ANKRD17: variants seen among roughly 807,000 people sequenced by gnomAD.
ANKRD17 encodes ankyrin repeat domain-containing protein 17.
A neutral mutation model predicts 229.7 loss-of-function variants in ANKRD17; 19 were observed. That is an observed-to-expected ratio of 0.08 (90% confidence interval 0.06 to 0.12). The LOEUF (loss-of-function observed/expected upper bound fraction) is 0.12, where lower values mean the gene tolerates loss of function less well. ANKRD17 is among the 10% of genes least tolerant of loss of function. The pLI is 1.00. For missense variants in ANKRD17, 2,176 were observed against 3,176.8 expected (o/e 0.68, Z 7.57); for synonymous variants, 1,112 against 1,146.1 (o/e 0.97, Z 0.60).
At chr4:73,099,624 T>C (rs1723720676) in intron 25 of ANKRD17, among the ~76,000 whole-genome samples, 1 of 152,192 alleles carries the variant, frequency 6.6e-6, no homozygotes, top group African/African-American at 2.4e-5. Context: ...CCTACTCCAC[T>C]GCCCTAGCAG....
chr4:73,097,957 G>A, intron 26 of ANKRD17, 116 bp downstream of exon 26: 1 of 905,146 alleles, frequency 1.1e-6, no homozygotes, highest in East Asian at 2.6e-5. Context: ...ACCTTCTTTA[G>A]CACAAAGAAA....
At chr4:73,110,459 T>A (rs1725175057) in intron 24 of ANKRD17, among the ~76,000 whole-genome samples, 1 of 152,188 alleles carries the variant, frequency 6.6e-6, no homozygotes, top group Non-Finnish European at 1.5e-5. Context: ...TGTACCACCA[T>A]GCCCAGTTTT....
At chr4:73,232,253 C>A (rs1367508361) in intron 1 of ANKRD17, among the ~76,000 whole-genome samples, 5 of 152,142 alleles carry the variant, frequency 3.3e-5, no homozygotes, top group Non-Finnish European at 4.4e-5. Flanking sequence ...CTAGCTCTTC[C>A]AGGAGACATA....
At chr4:73,222,895 C>CAA (rs1742047639) in intron 1 of ANKRD17, 2 of 1,148,614 alleles carry the variant, frequency 1.7e-6, no homozygotes, top group African/African-American at 1.5e-5. Context: ...CTAATCTATT[C>CAA]ATCTGTAAAA....
chr4:73,085,232 C>T lies in ANKRD17; in HGVS notation c.7159+17G>A, dbSNP rs989878826. ...ACATATGCAGATTCTTATGGAATTA[C>T]GGTGTATAAAACTCACCATTTGATG... On this transcript the variant is annotated intron_variant, in intron 30 of 33. Coordinates refer to ENST00000358602, the MANE Select transcript of ANKRD17 (RefSeq NM_032217.5). 21 of 1,608,956 alleles carry T rather than the reference C, an allele frequency of 1.3e-5. No homozygotes were observed. Among genetic ancestry groups the T allele is most frequent in the Middle Eastern group, 1.6e-4 (1 of 6,072 alleles).
intron 3 of ANKRD17, among the ~76,000 whole-genome samples, chr4:73,160,146 G>A (rs1008947016): frequency 4.6e-5 from 7 of 151,050 alleles, no homozygotes; most frequent in Admixed American, 4.6e-4. Context: ...GTTGAAAATG[G>A]TAACATGTAT....
chr4:73,120,265 C>T lies in ANKRD17; in HGVS notation c.3922G>A (p.Gly1308Ser). 1 of 1,613,994 alleles carries T rather than the reference C, an allele frequency of 6.2e-7. No individual in the cohort carries two copies. The highest frequency in any genetic ancestry group is 8.5e-7 in the Non-Finnish European group (1 of 1,179,984). The change falls in exon 21 of 34, where the codon GGT (glycine) becomes AGT (serine). Residue 1308 changes from glycine (G) to serine (S), a missense_variant. By Grantham distance (56) the Gly-to-Ser change is moderately conservative (BLOSUM62 0). Transcript: ENST00000358602. ...ACTGGAGGGGCATTAACATCAGCACCTTTATCCAAAAGAACTCGGCCCACC... is the reference window on the plus strand; with the variant it reads ...ACTGGAGGGGCATTAACATCAGCACTTTTATCCAAAAGAACTCGGCCCACC... ...AEVGRVLLDK[G>S]ADVNAPPVPS...
intron 1 of ANKRD17, among the ~76,000 whole-genome samples, chr4:73,204,370 AAAAAAAAAAG>A (rs1560718082): frequency 6.6e-6 from 1 of 150,908 alleles, no homozygotes; most frequent in Non-Finnish European, 1.5e-5. Flanking sequence ...AAAAAAAAAA[AAAAAAAAAAG>A]AAAAGAAAAG....
chr4:73,093,705 G>A (rs1203882542), intron 28 of ANKRD17, among the ~76,000 whole-genome samples: 1 of 152,096 alleles, frequency 6.6e-6, no homozygotes, highest in Non-Finnish European at 1.5e-5. Flanking sequence ...CACAATCTCA[G>A]AATAACAAAT....
At chr4:73,187,973 G>A (rs1287127947) in intron 1 of ANKRD17, among the ~76,000 whole-genome samples, 1 of 152,108 alleles carries the variant, frequency 6.6e-6, no homozygotes, top group Non-Finnish European at 1.5e-5. Context: ...GTAATTAACT[G>A]TAATACTTAT....
At chr4:73,090,006 T>C (rs940109780) in intron 29 of ANKRD17, among the ~76,000 whole-genome samples, 5 of 152,200 alleles carry the variant, frequency 3.3e-5, no homozygotes, top group African/African-American at 1.2e-4. Flanking sequence ...AAAAAGATAA[T>C]GCGAAATGAA....
intron 1 of ANKRD17, among the ~76,000 whole-genome samples, chr4:73,207,314 C>T (rs879099391): frequency 6.6e-6 from 1 of 150,956 alleles, no homozygotes; most frequent in East Asian, 1.9e-4. Flanking sequence ...ATATGAAAAA[C>T]AAATAAAAAA....
chr4:73,219,193 C>A (rs1049822411), intron 1 of ANKRD17, among the ~76,000 whole-genome samples: 1 of 152,088 alleles, frequency 6.6e-6, no homozygotes. Context: ...AGTCACTAGA[C>A]CAATTTAGGT....
intron 24 of ANKRD17, chr4:73,113,311 C>T (rs953863610): frequency 2.3e-6 from 3 of 1,289,190 alleles, no homozygotes; most frequent in African/African-American, 1.5e-5. Context: ...TTGTAGTCTG[C>T]CTGAAAGAGA....
chr4:73,138,566 A>G (rs1266386728), intron 15 of ANKRD17, among the ~76,000 whole-genome samples: 3 of 152,186 alleles, frequency 2.0e-5, no homozygotes, highest in Non-Finnish European at 4.4e-5. Context: ...TTTAAATTAG[A>G]AAAAGTCAAT....
At chr4:73,248,686 G>C (rs1744720530) in intron 1 of ANKRD17, among the ~76,000 whole-genome samples, 1 of 151,906 alleles carries the variant, frequency 6.6e-6, no homozygotes, top group African/African-American at 2.4e-5. Flanking sequence ...TTCAATGTAT[G>C]TAAGTTTTAC....
chr4:73,142,824 T>A, intron 11 of ANKRD17, 57 bp from the exon 12 acceptor site: 22 of 1,541,220 alleles, frequency 1.4e-5, no homozygotes, highest in Non-Finnish European at 1.9e-5. Flanking sequence ...CTTAAAATTA[T>A]GGTAAATTTA....
At chr4:73,249,193 T>C (rs1259548262) in intron 1 of ANKRD17, among the ~76,000 whole-genome samples, 2 of 152,220 alleles carry the variant, frequency 1.3e-5, no homozygotes, top group Non-Finnish European at 2.9e-5. Flanking sequence ...AATTAAGAGA[T>C]GATCCATAAA....
intron 1 of ANKRD17, among the ~76,000 whole-genome samples, chr4:73,234,602 C>G (rs916021260): frequency 6.6e-6 from 1 of 152,180 alleles, no homozygotes; most frequent in Non-Finnish European, 1.5e-5. Context: ...AGGTAGGGCA[C>G]GCGTATACGC....
Sources: gnomAD v4.1 joint callset for allele counts (sites outside exome capture counted in the v4.1 genomes callset) on GRCh38, gnomAD v4.1.1 for gene constraint, MANE v1.5 for transcripts, NCBI Gene and HGNC (gene_info 2026-07-23, HGNC 2026-07-21) for gene names.